AMBRA1: variants seen among roughly 807,000 people sequenced by gnomAD.
AMBRA1 encodes autophagy and beclin 1 regulator 1, also known as activating molecule in BECN1-regulated autophagy protein 1.
AMBRA1 carries 47 observed loss-of-function variants against 125.4 expected under a neutral mutation model. That is an observed-to-expected ratio of 0.37 (90% CI 0.30 to 0.48). AMBRA1 has a LOEUF of 0.48. Among genes scored for constraint, AMBRA1 ranks in the 20% least tolerant of loss-of-function variants. AMBRA1 has a pLI of 0.99. For missense variants in AMBRA1, 1,331 were observed against 1,693.4 expected (o/e 0.79, Z 3.76); for synonymous variants, 626 against 655.5 (o/e 0.95, Z 0.69).
rs368382340 is a variant in AMBRA1 at position 46,587,096 on chromosome 11, C to T, written c.-121+6732G>A. ...AGCTCATTTTAAAGAAACACAACTT[C>T]AGGTCAGGCACAGTGGCTCCCGCCT... On this transcript the variant is annotated intron_variant, in intron 1 of 17. Coordinates refer to ENST00000683756, the MANE Select transcript of AMBRA1 (RefSeq NM_001387011.1). Among the ~76,000 whole-genome samples, 6 of 152,222 alleles carry T rather than the reference C, an allele frequency of 3.9e-5. No homozygotes were observed. In the East Asian group the frequency reaches 1.2e-3, roughly 29 times the overall value.
At chr11:46,479,071 T>G (rs1343662549) in intron 11 of AMBRA1, among the ~76,000 whole-genome samples, 1 of 151,934 alleles carries the variant, frequency 6.6e-6, no homozygotes, top group Non-Finnish European at 1.5e-5. Flanking sequence ...TGGTGGCATG[T>G]GCAGTAGTCT....
At chr11:46,449,708 T>C (rs1590835506) in intron 11 of AMBRA1, among the ~76,000 whole-genome samples, 2 of 152,192 alleles carry the variant, frequency 1.3e-5, no homozygotes, top group East Asian at 3.8e-4. Flanking sequence ...AGACCCAGAA[T>C]AGCCAACACA....
At chr11:46,438,310 C>T (rs980160145) in intron 12 of AMBRA1, among the ~76,000 whole-genome samples, 13 of 152,188 alleles carry the variant, frequency 8.5e-5, no homozygotes, top group Non-Finnish European at 1.9e-4. Context: ...ATGTAATCTC[C>T]TCCCAATTAG....
intron 4 of AMBRA1, 27 bp from the exon 5 acceptor site, chr11:46,545,803 C>T: frequency 6.2e-7 from 1 of 1,610,550 alleles, no homozygotes; most frequent in Non-Finnish European, 8.5e-7. Context: ...TCCAGATATT[C>T]TCAGGTTACA....
chr11:46,530,044 C>T (rs773559598), intron 7 of AMBRA1, among the ~76,000 whole-genome samples: 13 of 152,150 alleles, frequency 8.5e-5, no homozygotes, highest in Admixed American at 5.2e-4. Flanking sequence ...GCAAACAGAA[C>T]CCCATACACC....
chr11:46,408,643 C>T lies in AMBRA1; in HGVS notation c.3273G>A (p.Gln1091=), dbSNP rs780719792. The change falls in exon 17 of 18, where the codon CAG becomes CAA. Residue 1091 remains glutamine (Q), a synonymous_variant. Transcript: ENST00000683756. ...DMGLMNAIGL[Q]PRNPATSVTS... is the part of the protein sequence containing the mutation. The stretch of plus-strand genomic sequence containing the variant: ...TCACTGAGGTGGCAGGGTTCCGGGG[C>T]TGAAGCCCAATGGCATTCATCAGCC... 2 of 1,606,810 alleles carry T rather than the reference C, an allele frequency of 1.2e-6. No individual in the cohort carries two copies. The highest frequency in any genetic ancestry group is 3.4e-5 in the Admixed American group (2 of 59,316).
intron 5 of AMBRA1, among the ~76,000 whole-genome samples, chr11:46,545,171 G>A (rs866896183): frequency 2.1e-5 from 3 of 140,908 alleles, no homozygotes; most frequent in Admixed American, 2.1e-4. Flanking sequence ...CGGGGGGGGG[G>A]GGGTGGTGGT....
chr11:46,494,491 T>C (rs1004987835), intron 9 of AMBRA1: 2 of 309,282 alleles, frequency 6.5e-6, no homozygotes, highest in South Asian at 7.3e-5. Context: ...ATTTAGATCT[T>C]AGGATTTGGA....
At chr11:46,414,210 C>T in intron 15 of AMBRA1, among the ~76,000 whole-genome samples, 1 of 152,162 alleles carries the variant, frequency 6.6e-6, no homozygotes, top group East Asian at 1.9e-4. Flanking sequence ...TTATCAGTGA[C>T]ACGACGGGAG....
chr11:46,468,830 A>G (rs1304200752), intron 11 of AMBRA1, among the ~76,000 whole-genome samples: 1 of 149,006 alleles, frequency 6.7e-6, no homozygotes, highest in Non-Finnish European at 1.5e-5. Flanking sequence ...AAAAAAAAAG[A>G]AAAAAGAAAA....
chr11:46,459,708 C>T (rs1228592855), intron 11 of AMBRA1, among the ~76,000 whole-genome samples: 1 of 149,102 alleles, frequency 6.7e-6, no homozygotes, highest in Non-Finnish European at 1.5e-5. Flanking sequence ...AAGACTCCAT[C>T]TCCCTCCCAA....
rs1397656399 is a variant in AMBRA1 at position 46,542,954 on chromosome 11, C to G, written c.1063G>C (p.Ala355Pro). ...CCCTGGTCCTGCTGCGTTGACGAGG[C>G]CTGCTCCGGGGGATGGAAGGGCTCG... ...QTEPFHPPEQ[A>P]SSTQQDQGLL... is the part of the protein sequence containing the mutation. Residue 355 changes from alanine to proline, a missense_variant, in exon 7 of 18, where the codon GCC becomes CCC. Physicochemically the swap from Ala to Pro is conservative, Grantham distance 27. Around this residue, in one of 4 missense-constraint regions of AMBRA1, gnomAD observed 689 missense variants for 776.5 expected, o/e 0.89. Coordinates refer to ENST00000683756, the MANE Select transcript of AMBRA1 (RefSeq NM_001387011.1). This position sits in a 1 kb window ranked among gnomAD's most constrained non-coding sequence, Gnocchi z 5.9. The G allele has an allele frequency of 6.2e-7, 1 of 1,607,246 alleles. No homozygotes were observed. Among genetic ancestry groups the G allele is most frequent in the Non-Finnish European group, 8.5e-7 (1 of 1,179,942 alleles).
chr11:46,540,186 G>C (rs896434079), intron 7 of AMBRA1, among the ~76,000 whole-genome samples: 2 of 152,158 alleles, frequency 1.3e-5, no homozygotes, highest in East Asian at 3.9e-4. Flanking sequence ...AACCACTCAG[G>C]AATTTCTCAG....
At position 46,397,571 on chromosome 11, in the gene AMBRA1, G is replaced by C; in HGVS notation, c.3776C>G (p.Ser1259Cys). 2 of 1,581,506 alleles carry C rather than the reference G, an allele frequency of 1.3e-6. No homozygotes were observed. Among genetic ancestry groups the C allele is most frequent in the Non-Finnish European group, 1.7e-6 (2 of 1,161,404 alleles). ...PSSSPVPIPV[S>C]LPSAEGPTLH... ...GGTTGGTCCCTCAGCGCTGGGAAGG[G>C]AAACAGGAATGGGGACAGGGGAGGA... The change falls in exon 18 of 18, where the codon TCC becomes TGC. Residue 1259 changes from serine to cysteine, a missense_variant. Transcript: ENST00000683756.
rs780718992 is a variant in AMBRA1, at chr11:46,543,145, C to A, written c.872G>T (p.Arg291Leu). 1.3e-6 allele frequency: 2 copies of A among 1,557,140 alleles called. No individual in the cohort carries two copies. The highest frequency in any genetic ancestry group is 1.7e-6 in the Non-Finnish European group (2 of 1,154,858). The part of the protein sequence containing the change: ...RPRTSAYIRL[R>L]QRVSYPTAEC... ...AGCTGTGGGGTAACTGACCCGCTGT[C>A]GGAGCCTGATGTAAGCGGAAGTCCT... The change falls in exon 7 of 18, where the codon CGA (arginine) becomes CTA (leucine). Residue 291 changes from arginine (R) to leucine (L), a missense_variant. By Grantham distance (102) the Arg-to-Leu change is moderately radical. Around this residue, in one of 4 missense-constraint regions of AMBRA1, gnomAD observed 689 missense variants for 776.5 expected, o/e 0.89. Transcript: ENST00000683756.
chr11:46,570,223 T>C (rs574335300), intron 1 of AMBRA1, among the ~76,000 whole-genome samples: 1 of 139,266 alleles, frequency 7.2e-6, no homozygotes, highest in Non-Finnish European at 1.5e-5. Context: ...GATCGCACCA[T>C]TGAACTCCAG....
intron 9 of AMBRA1, among the ~76,000 whole-genome samples, chr11:46,498,584 G>A (rs967919346): frequency 2.0e-5 from 3 of 152,324 alleles, no homozygotes; most frequent in Admixed American, 6.5e-5. Context: ...GAACAAGGGA[G>A]AAACACAGCA....
At chr11:46,512,349 T>C (rs1429104198) in intron 8 of AMBRA1, among the ~76,000 whole-genome samples, 2 of 152,240 alleles carry the variant, frequency 1.3e-5, no homozygotes, top group African/African-American at 4.8e-5. Flanking sequence ...TTTTGTTTAA[T>C]CTATACATAA....
intron 7 of AMBRA1, among the ~76,000 whole-genome samples, chr11:46,514,663 CAG>C (rs1951401220): frequency 1.3e-5 from 2 of 151,082 alleles, no homozygotes; most frequent in South Asian, 4.2e-4. Flanking sequence ...TTGATAGAGA[CAG>C]AGTCTGGCTA....
Sources: allele counts gnomAD v4.1 joint callset (sites outside exome capture counted in the v4.1 genomes callset), GRCh38; gene constraint gnomAD v4.1.1; regional missense constraint gnomAD v4.1.1; non-coding constraint Gnocchi (gnomAD v3.1); transcripts MANE v1.5; gene names NCBI Gene and HGNC (gene_info 2026-07-23, HGNC 2026-07-21).